Variants in TMPRSS3 observed in about 807,000 individuals in gnomAD.
TMPRSS3 encodes the protein transmembrane serine protease 3.
TMPRSS3 carries 55 observed loss-of-function variants against 59.6 expected under a neutral mutation model. The ratio of observed to expected loss-of-function variants is 0.92; its 90% CI spans 0.74 to 1.16. The LOEUF (loss-of-function observed/expected upper bound fraction) is 1.16. Ranked by LOEUF, TMPRSS3 falls within the 50% of genes most tolerant of loss-of-function variation. TMPRSS3 has a pLI of 0.00. For synonymous variants in TMPRSS3, 257 were observed against 237.7 expected, an observed-to-expected ratio of 1.08 and a Z score of -0.75; for missense variants, 596 against 579.4, an observed-to-expected ratio of 1.03 and a Z score of -0.29.
intron 2 of TMPRSS3, chr21:42,390,289 C>T: frequency 2.0e-6 from 1 of 488,266 alleles, no homozygotes; most frequent in East Asian, 4.0e-5. Context: ...TAGTATCCCC[C>T]AGAAAGACAC....
chr21:42,374,563 T>G (rs1448846311), intron 12 of TMPRSS3, among the ~76,000 whole-genome samples: 1 of 152,284 alleles, frequency 6.6e-6, no homozygotes, highest in South Asian at 2.1e-4. Context: ...GACTGGTGGG[T>G]GCCAGAGGCT....
chr21:42,395,254 G>T, intron 2 of TMPRSS3, 70 bp downstream of exon 2: 1 of 1,316,278 alleles, frequency 7.6e-7, no homozygotes, highest in Non-Finnish European at 1.1e-6. Context: ...CACAGGGACA[G>T]TCAGTCACAT....
At chr21:42,375,193 C>T in intron 12 of TMPRSS3, among the ~76,000 whole-genome samples, 1 of 149,576 alleles carries the variant, frequency 6.7e-6, no homozygotes, top group East Asian at 2.0e-4. Context: ...CCCCTGCAGG[C>T]CCCTCCCACT....
At chr21:42,389,855 A>G (rs2052704272) in intron 3 of TMPRSS3, 72 bp downstream of exon 3, 1 of 1,149,392 alleles carries the variant, frequency 8.7e-7, no homozygotes, top group African/African-American at 1.5e-5. Flanking sequence ...CTGGGATGAG[A>G]GGGGGCGCTC....
intron 6 of TMPRSS3, among the ~76,000 whole-genome samples, chr21:42,384,668 C>A (rs1314674357): frequency 2.0e-5 from 3 of 152,234 alleles, no homozygotes; most frequent in Non-Finnish European, 4.4e-5. Flanking sequence ...CATGAGCTGT[C>A]CCTCCAGACT....
chr21:42,372,267 A>C lies in TMPRSS3; in HGVS notation c.*495T>G, dbSNP rs777709647. 81 of 448,514 alleles carry C rather than the reference A, an allele frequency of 1.8e-4. 1 individual carries two copies. Among genetic ancestry groups the C allele is most frequent in the South Asian group, 1.2e-3 (79 of 63,764 alleles). 27.8% of individuals were successfully genotyped at this position (448,514 alleles called of 1,614,324 possible). A position where few individuals can be genotyped will look rare whatever the true frequency, so the allele number is the denominator to read the frequency against. On this transcript the variant is annotated 3_prime_UTR_variant, in exon 13 of 13. Coordinates refer to ENST00000644384, the MANE Select transcript of TMPRSS3 (RefSeq NM_001256317.3). ...TCTTTTGTTCTTAGTGAAGATCAGA[A>C]AGGAGCGTGAGGCTAGGCGTGGTGG...
At chr21:42,383,687 G>A (rs1391560000) in intron 7 of TMPRSS3, 4 of 646,788 alleles carry the variant, frequency 6.2e-6, no homozygotes, top group Non-Finnish European at 1.2e-5. Flanking sequence ...TGGGAACTGA[G>A]TCAGGGACTC....
At chr21:42,391,326 G>A (rs189726686) in intron 2 of TMPRSS3, among the ~76,000 whole-genome samples, 166 of 152,334 alleles carry the variant, frequency 1.1e-3, no homozygotes, top group African/African-American at 3.7e-3. Context: ...GATTACAAGC[G>A]TGAGCCACCA....
chr21:42,385,063 C>CCCTCCCTCCCTTCCTTCCTT (rs1568885537), intron 6 of TMPRSS3, among the ~76,000 whole-genome samples: 348 of 111,754 alleles, frequency 3.1e-3, no homozygotes, highest in Middle Eastern at 4.8e-3. Context: ...CTTCCTCCCT[C>CCCTCCCTCCCTTCCTTCCTT]CCTCCCTCCC....
At chr21:42,391,633 G>A (rs1266103296) in intron 2 of TMPRSS3, among the ~76,000 whole-genome samples, 1 of 152,188 alleles carries the variant, frequency 6.6e-6, no homozygotes, top group African/African-American at 2.4e-5. Context: ...CTGCACGTGC[G>A]GCATACACAG....
intron 12 of TMPRSS3, among the ~76,000 whole-genome samples, chr21:42,374,598 A>T (rs1049139422): frequency 6.6e-6 from 1 of 152,140 alleles, no homozygotes; most frequent in Non-Finnish European, 1.5e-5. Context: ...AGTGGGGAGT[A>T]ACTGCGTGCT....
rs145766262 is a variant in TMPRSS3 at position 42,376,563 on chromosome 21, G to A, written c.1169C>T (p.Thr390Met). The A allele has an allele frequency of 2.5e-5, 41 of 1,613,584 alleles. No individual in the cohort carries two copies. Among genetic ancestry groups the A allele is most frequent in the East Asian group, 1.6e-4 (7 of 44,882 alleles). Reference protein sequence around the residue: ...SPSMLCAGYLTGGVDSCQGDS... With the variant: ...SPSMLCAGYLMGGVDSCQGDS... ...TACCTGGCAGCTGTCCACGCCACCC[G>A]TCAGGTAGCCCGCGCAGAGCATGGA... Residue 390 changes from threonine to methionine, a missense_variant, in exon 11 of 13, where the codon ACG (threonine) becomes ATG (methionine). Physicochemically the swap from Thr to Met is moderately conservative, Grantham distance 81. Transcript: ENST00000644384.
intron 10 of TMPRSS3, among the ~76,000 whole-genome samples, chr21:42,378,335 G>A (rs1295614952): frequency 1.3e-5 from 2 of 152,248 alleles, no homozygotes; most frequent in South Asian, 4.1e-4. Context: ...TGAAATTCCT[G>A]TGTTAGGTTG....
At chr21:42,380,009 A>T in intron 10 of TMPRSS3, 108 bp downstream of exon 10, 1 of 908,724 alleles carries the variant, frequency 1.1e-6, no homozygotes, top group Non-Finnish European at 1.8e-6. Flanking sequence ...TGGCCGGGGT[A>T]TCTGGGCAGC....
intron 10 of TMPRSS3, among the ~76,000 whole-genome samples, chr21:42,379,541 C>G (rs2052484967): frequency 6.6e-6 from 1 of 152,110 alleles, no homozygotes; most frequent in African/African-American, 2.4e-5. Flanking sequence ...TTCCTACTAA[C>G]AAAGAAAGTG....
In TMPRSS3 at chr21:42,372,785, A is replaced by C. The variant is rs370599422; in HGVS notation, c.1345-6T>G. Reference sequence around the variant, plus strand: ...CTTCAGGTTTTTAGGTCTCTCTATAAATGAAAACAAAGGCGTTATTGTTTT... The same window carrying C: ...CTTCAGGTTTTTAGGTCTCTCTATACATGAAAACAAAGGCGTTATTGTTTT... On this transcript the variant is annotated splice_region_variant and splice_polypyrimidine_tract_variant and intron_variant, in intron 12 of 12. Transcript: ENST00000644384. 9.9e-6 allele frequency: 16 copies of C among 1,613,834 alleles called. No individual in the cohort carries two copies. Among genetic ancestry groups the C allele is most frequent in the Admixed American group, 1.7e-5 (1 of 59,988 alleles).
Position 42,373,688 on chromosome 21 carries a change from G to A in TMPRSS3, c.1345-909C>T, listed in dbSNP as rs182503408. The stretch of plus-strand genomic sequence containing the variant: ...TGTGCAGTCACACTGGGGCCACGTC[G>A]GGGATCTGATGTGAGGCACACTCTG... On this transcript the variant is annotated intron_variant, in intron 12 of 12. Transcript: ENST00000644384. 1.4e-4 allele frequency among the ~76,000 whole-genome samples: 21 copies of A among 152,270 alleles called. No individual in the cohort carries two copies. In the East Asian group the frequency reaches 3.7e-3, roughly 27 times the overall value.
intron 6 of TMPRSS3, among the ~76,000 whole-genome samples, chr21:42,385,001 A>C (rs1015446792): frequency 4.6e-5 from 5 of 108,338 alleles, no homozygotes; most frequent in African/African-American, 2.2e-4. Context: ...TTCTATCTTA[A>C]TTTCTGTTTT....
At chr21:42,378,012 G>A (rs1460376870) in intron 10 of TMPRSS3, among the ~76,000 whole-genome samples, 1 of 152,270 alleles carries the variant, frequency 6.6e-6, no homozygotes, top group Non-Finnish European at 1.5e-5. Flanking sequence ...TGGTGGGCTG[G>A]TTGGTCCGGA....
Sources: allele counts gnomAD v4.1 joint callset (sites outside exome capture counted in the v4.1 genomes callset), GRCh38; gene constraint gnomAD v4.1.1; transcripts MANE v1.5; gene names NCBI Gene and HGNC (gene_info 2026-07-23, HGNC 2026-07-21).